Variants in C1QTNF3 observed in about 807,000 individuals in gnomAD.
C1QTNF3 encodes the protein C1q and TNF related 3, also known as complement C1q tumor necrosis factor-related protein 3.
In C1QTNF3, 26 loss-of-function variants were observed where a neutral mutation model predicts 32.6. The observed-to-expected ratio is 0.80, with a 90% confidence interval of 0.58 to 1.11. C1QTNF3 has a LOEUF of 1.11. C1QTNF3 is among the 50% of genes least tolerant of loss of function. The pLI is 0.00. For synonymous variants in C1QTNF3, 155 were observed against 146.0 expected, an observed-to-expected ratio of 1.06 and a Z score of -0.44; for missense variants, 362 against 398.2, an observed-to-expected ratio of 0.91 and a Z score of 0.77.
At chr5:34,138,523 T>C in the C1QTNF3 span, among the ~76,000 whole-genome samples, 4 of 152,142 alleles carry the variant, frequency 2.6e-5, no homozygotes, top group African/African-American at 9.7e-5. Flanking sequence ...TTAAATTTAA[T>C]TGACTTTCTG....
intron 1 of C1QTNF3, among the ~76,000 whole-genome samples, chr5:34,041,284 T>G (rs923250224): frequency 6.6e-6 from 1 of 152,214 alleles, no homozygotes; most frequent in Admixed American, 6.5e-5. Context: ...ATATCTCCTG[T>G]TGGTGGTTTG....
chr5:34,174,417 G>A, the C1QTNF3 span, among the ~76,000 whole-genome samples: 1 of 152,146 alleles, frequency 6.6e-6, no homozygotes, highest in South Asian at 2.1e-4. Flanking sequence ...CATCAGGGAT[G>A]TCCCCAGAAA....
the C1QTNF3 span, among the ~76,000 whole-genome samples, chr5:34,080,985 G>C: frequency 6.6e-6 from 1 of 151,686 alleles, no homozygotes; most frequent in African/African-American, 2.4e-5. Context: ...CCTTTCTCTA[G>C]ATCAGTCAGC....
At chr5:34,031,740 C>T (rs976304079) in intron 3 of C1QTNF3, among the ~76,000 whole-genome samples, 1 of 152,152 alleles carries the variant, frequency 6.6e-6, no homozygotes, top group Non-Finnish European at 1.5e-5. Flanking sequence ...GAGGCTGAGG[C>T]AAGAGAATCG....
the C1QTNF3 span, chr5:34,106,299 T>C: frequency 6.6e-6 from 1 of 152,032 alleles, no homozygotes; most frequent in African/African-American, 2.4e-5. Flanking sequence ...TATATTTTAC[T>C]TAATTTTCCC....
chr5:34,226,356 T>C, the C1QTNF3 span, among the ~76,000 whole-genome samples: 2 of 151,980 alleles, frequency 1.3e-5, no homozygotes, highest in African/African-American at 4.8e-5. Flanking sequence ...TAAAATATAC[T>C]GAGATGAAGC....
upstream of C1QTNF3, among the ~76,000 whole-genome samples, chr5:34,046,160 G>A (rs1240235399): frequency 1.3e-5 from 2 of 152,178 alleles, no homozygotes; most frequent in African/African-American, 4.8e-5. Flanking sequence ...TAAGGCAATT[G>A]TACAACTGTA....
At chr5:34,125,764 A>T in the C1QTNF3 span, among the ~76,000 whole-genome samples, 1 of 152,250 alleles carries the variant, frequency 6.6e-6, no homozygotes, top group Non-Finnish European at 1.5e-5. Flanking sequence ...AGATATATGC[A>T]TTTCATATTT....
At chr5:34,047,403 T>C, upstream of C1QTNF3, among the ~76,000 whole-genome samples, 1 of 152,224 alleles carries the variant, frequency 6.6e-6, no homozygotes, top group Non-Finnish European at 1.5e-5. Context: ...ATAAGATGTG[T>C]AGGTACTCCG....
the C1QTNF3 span, among the ~76,000 whole-genome samples, chr5:34,213,187 T>C: frequency 6.6e-6 from 1 of 152,112 alleles, no homozygotes; most frequent in Non-Finnish European, 1.5e-5. Context: ...TTTACATCAA[T>C]AAGAGACAGC....
the C1QTNF3 span, among the ~76,000 whole-genome samples, chr5:34,157,800 T>C: frequency 6.6e-6 from 1 of 152,188 alleles, no homozygotes; most frequent in African/African-American, 2.4e-5. Flanking sequence ...ACATTGGGAT[T>C]TTAGTTCAGT....
At chr5:34,188,474 C>T in the C1QTNF3 span, among the ~76,000 whole-genome samples, 1 of 152,358 alleles carries the variant, frequency 6.6e-6, no homozygotes, top group African/African-American at 2.4e-5. Flanking sequence ...GCCACAGGGG[C>T]GGGGCTGCCC....
the C1QTNF3 span, among the ~76,000 whole-genome samples, chr5:34,073,260 G>C: frequency 6.6e-6 from 1 of 151,770 alleles, no homozygotes; most frequent in African/African-American, 2.4e-5. Context: ...CTGGGAGGTG[G>C]AGCTTGCAGT....
chr5:34,065,386 C>T, the C1QTNF3 span, among the ~76,000 whole-genome samples: 102 of 152,220 alleles, frequency 6.7e-4, no homozygotes, highest in African/African-American at 2.4e-3. Flanking sequence ...AAAAAACAGG[C>T]CATGCATGGT....
At chr5:34,176,983 A>C in the C1QTNF3 span, among the ~76,000 whole-genome samples, 2 of 152,168 alleles carry the variant, frequency 1.3e-5, no homozygotes, top group East Asian at 3.9e-4. Flanking sequence ...ACTTGAGCTC[A>C]AGAGTTCAAG....
intron 4 of C1QTNF3, among the ~76,000 whole-genome samples, chr5:34,027,340 T>C (rs1754488358): frequency 6.6e-6 from 1 of 152,242 alleles, no homozygotes; most frequent in African/African-American, 2.4e-5. Flanking sequence ...ATTATGGATA[T>C]GTTTATACTG....
At chr5:34,117,341 G>A in the C1QTNF3 span, among the ~76,000 whole-genome samples, 1 of 152,246 alleles carries the variant, frequency 6.6e-6, no homozygotes, top group African/African-American at 2.4e-5. Context: ...AGATTATACT[G>A]ACTTAGGTCC....
chr5:34,174,729 A>T, the C1QTNF3 span, among the ~76,000 whole-genome samples: 1 of 152,004 alleles, frequency 6.6e-6, no homozygotes, highest in South Asian at 2.1e-4. Context: ...GAGAGCACAG[A>T]TCTTATTGTC....
At chr5:34,137,312 G>A in the C1QTNF3 span, among the ~76,000 whole-genome samples, 9 of 152,132 alleles carry the variant, frequency 5.9e-5, no homozygotes, top group African/African-American at 1.9e-4. Context: ...TAATGCCTTA[G>A]TTCACCAGAT....
Sources: gnomAD v4.1 joint callset for allele counts (sites outside exome capture counted in the v4.1 genomes callset) on GRCh38, gnomAD v4.1.1 for gene constraint, MANE v1.5 for transcripts, NCBI Gene and HGNC (gene_info 2026-07-23, HGNC 2026-07-21) for gene names.